FLT1: variants seen among roughly 807,000 people sequenced by gnomAD.
The protein encoded by FLT1 is fms related receptor tyrosine kinase 1, also known as vascular endothelial growth factor receptor 1.
In FLT1, 49 loss-of-function variants were observed where a neutral mutation model predicts 156.3. The ratio of observed to expected loss-of-function variants is 0.31; its 90% CI spans 0.25 to 0.40. The LOEUF is 0.40. Ranked by LOEUF, FLT1 falls within the 10% of genes least tolerant of loss-of-function variation. FLT1 has a pLI of 1.00. For missense variants in FLT1, 1,322 were observed against 1,637.2 expected, an observed-to-expected ratio of 0.81 and a Z score of 3.32; for synonymous variants, 594 against 583.8, an observed-to-expected ratio of 1.02 and a Z score of -0.25.
chr13:28,317,603 G>A lies in FLT1; in HGVS notation c.3287-6C>T. The A allele has an allele frequency of 1.2e-6, 2 of 1,600,074 alleles. No individual in the cohort carries two copies. Among genetic ancestry groups the A allele is most frequent in the Non-Finnish European group, 8.6e-7 (1 of 1,167,120 alleles). On this transcript the variant is annotated splice_region_variant and splice_polypyrimidine_tract_variant and intron_variant, in intron 24 of 29. Transcript: ENST00000282397. ...TCCTGGGTATGGAGACCCACCTGCGGGAGACAATGTGGAAAACACAGGGCC... is the reference window on the plus strand; with the variant it reads ...TCCTGGGTATGGAGACCCACCTGCGAGAGACAATGTGGAAAACACAGGGCC...
intron 13 of FLT1, chr13:28,386,260 G>T (rs994558956): frequency 2.9e-6 from 3 of 1,050,692 alleles, no homozygotes; most frequent in Non-Finnish European, 3.4e-6. Context: ...AGTCCTGCAG[G>T]GCAACTCTCA....
chr13:28,379,929 C>T (rs1874005177), intron 14 of FLT1, among the ~76,000 whole-genome samples: 1 of 152,120 alleles, frequency 6.6e-6, no homozygotes. Flanking sequence ...TTGTGTGTGC[C>T]TCACTTCCTC....
intron 14 of FLT1, among the ~76,000 whole-genome samples, chr13:28,369,279 C>A (rs533051339): frequency 5.1e-4 from 78 of 152,166 alleles, no homozygotes; most frequent in Non-Finnish European, 6.9e-4. Context: ...AGTTCCAACA[C>A]TTTGGGAGGC....
rs544296341 is a variant in FLT1, at chr13:28,357,399, C to G, written c.2248+155G>C. 3.6e-4 allele frequency among the ~76,000 whole-genome samples: 55 copies of G among 152,320 alleles called. 1 individual carries two copies. In the South Asian group the frequency reaches 0.011, roughly 30 times the overall value. On this transcript the variant is annotated intron_variant, in intron 15 of 29. Transcript: ENST00000282397. The stretch of plus-strand genomic sequence containing the variant: ...TTCTGCTTTGCCAGACAGAACCAGA[C>G]AGTCCCTTCCCGGAGTGGCAGGGAG...
chr13:28,491,220 A>G (rs1179834503), intron 1 of FLT1, among the ~76,000 whole-genome samples: 2 of 152,194 alleles, frequency 1.3e-5, no homozygotes, highest in African/African-American at 2.4e-5. Flanking sequence ...AGACTTAGAA[A>G]TGTCTCGATC....
intron 14 of FLT1, among the ~76,000 whole-genome samples, chr13:28,370,867 C>T (rs1222437915): frequency 1.3e-5 from 2 of 152,150 alleles, no homozygotes; most frequent in Admixed American, 1.3e-4. Context: ...TGGCCAGTCA[C>T]CTACAGGGCT....
Position 28,344,111 on chromosome 13 carries a change from C to A in FLT1, c.2355+1334G>T, listed in dbSNP as rs557852696. Among the ~76,000 whole-genome samples the A allele has an allele frequency of 1.1e-3, 172 of 152,212 alleles. 1 individual carries two copies. Among genetic ancestry groups the A allele is most frequent in the Non-Finnish European group, 2.1e-3 (142 of 68,002 alleles). On this transcript the variant is annotated intron_variant, in intron 16 of 29. Transcript: ENST00000282397. ...CCACTCCCCCCATTCCTGCCTTAGT[C>A]TAACATAGCTTTCTTCCCCAAGGCT...
At position 28,474,507 on chromosome 13, in the gene FLT1, C is replaced by CACACACACACACAGACACACAG. The variant is rs1555245771; in HGVS notation, c.65-6891_65-6890insCTGTGTGTCTGTGTGTGTGTGT. ...ACAGACACACACACACACACACACA[C>CACACACACACACAGACACACAG]ACACACACACACACACAAACCCCAC... On this transcript the variant is annotated intron_variant, in intron 1 of 29. Coordinates refer to ENST00000282397, the MANE Select transcript of FLT1 (RefSeq NM_002019.4). 6.4e-3 allele frequency among the ~76,000 whole-genome samples: 971 copies of CACACACACACACAGACACACAG among 150,682 alleles called. 6 individuals are homozygous for CACACACACACACAGACACACAG. Among genetic ancestry groups the CACACACACACACAGACACACAG allele is most frequent in the African/African-American group, 0.023 (911 of 40,288 alleles).
intron 1 of FLT1, among the ~76,000 whole-genome samples, chr13:28,481,987 G>C (rs902334821): frequency 3.3e-5 from 5 of 152,160 alleles, no homozygotes; most frequent in African/African-American, 9.7e-5. Context: ...ATAATCCCTT[G>C]AGCATCTTTT....
intron 11 of FLT1, among the ~76,000 whole-genome samples, chr13:28,401,224 CTA>C (rs1314330978): frequency 2.0e-5 from 3 of 152,030 alleles, no homozygotes; most frequent in African/African-American, 7.3e-5. Context: ...TAAAATTAGA[CTA>C]TCAAATTTTA....
chr13:28,475,033 G>A (rs959938574), intron 1 of FLT1, among the ~76,000 whole-genome samples: 5 of 152,148 alleles, frequency 3.3e-5, no homozygotes, highest in Admixed American at 6.5e-5. Context: ...ACTTTAGAAG[G>A]CTGATTTTAG....
rs1284356853 is a variant in FLT1, at chr13:28,302,803, C to T, written c.*364G>A. ...TTGCCCTGGGTTTTGGGCTGCAGGG[C>T]TGGCCCAGTGGGGTACGTGATGCAT... On this transcript the variant is annotated 3_prime_UTR_variant, in exon 30 of 30. Coordinates refer to ENST00000282397, the MANE Select transcript of FLT1 (RefSeq NM_002019.4). 2 of 281,876 alleles carry T rather than the reference C, an allele frequency of 7.1e-6. No individual in the cohort carries two copies. Among genetic ancestry groups the T allele is most frequent in the Non-Finnish European group, 6.5e-6 (1 of 152,768 alleles). The allele number at this position is 281,876 out of a possible 1,614,324, so 17.5% of individuals were successfully genotyped here. A position where few individuals can be genotyped will look rare whatever the true frequency, so the allele number is the denominator to read the frequency against.
At position 28,329,661 on chromosome 13, in the gene FLT1, G is replaced by A. The variant is rs1451317878; in HGVS notation, c.2661C>T (p.His887=). ...TELKILTHIG[H]HLNVVNLLGA... is the part of the protein sequence containing the mutation. The stretch of plus-strand genomic sequence containing the variant: ...CCAGCAGGTTAACCACGTTCAGATG[G>A]TGGCCAATGTGGGTCAAGATTTTTA... Residue 887 remains histidine (H), a synonymous_variant, in exon 19 of 30, where the codon CAC becomes CAT. Coordinates refer to ENST00000282397, the MANE Select transcript of FLT1 (RefSeq NM_002019.4). The A allele has an allele frequency of 1.2e-6, 2 of 1,614,120 alleles. No individual in the cohort carries two copies. The highest frequency in any genetic ancestry group is 2.7e-5 in the African/African-American group (2 of 74,952).
In FLT1 at chr13:28,317,386, C is replaced by T; in HGVS notation, c.3386+112G>A. 7 of 786,470 alleles carry T rather than the reference C, an allele frequency of 8.9e-6. No individual in the cohort carries two copies. The Admixed American group carries it at 1.1e-4, about 12-fold the overall frequency. The allele number at this position is 786,470 out of a possible 1,614,324, so 48.7% of individuals were successfully genotyped here. A position where few individuals can be genotyped will look rare whatever the true frequency, so the allele number is the denominator to read the frequency against. On this transcript the variant is annotated intron_variant, in intron 25 of 29. Transcript: ENST00000282397. ...GAGCATCTCTAAAGGAAAGAAGAACCTTGGCATCTTCCAAGACTGGGACTC... is the reference window on the plus strand; with the variant it reads ...GAGCATCTCTAAAGGAAAGAAGAACTTTGGCATCTTCCAAGACTGGGACTC...
chr13:28,387,808 T>TAAAA (rs11400597), intron 13 of FLT1: 85 of 927,728 alleles, frequency 9.2e-5, no homozygotes, highest in East Asian at 1.4e-4. Context: ...AAAGTTTCTT[T>TAAAA]AAAAAAAAAA....
intron 14 of FLT1, among the ~76,000 whole-genome samples, chr13:28,375,828 G>T (rs1243501407): frequency 6.6e-6 from 1 of 152,180 alleles, no homozygotes; most frequent in Non-Finnish European, 1.5e-5. Context: ...TGGATATCTT[G>T]TTCACATTTC....
chr13:28,323,444 G>C (rs569238711), intron 20 of FLT1, among the ~76,000 whole-genome samples: 1 of 152,104 alleles, frequency 6.6e-6, no homozygotes, highest in African/African-American at 2.4e-5. Flanking sequence ...GTGAGGTCGG[G>C]AGTTTGAGAT....
At chr13:28,422,721 C>T (rs988130346) in intron 10 of FLT1, among the ~76,000 whole-genome samples, 1 of 152,168 alleles carries the variant, frequency 6.6e-6, no homozygotes, top group African/African-American at 2.4e-5. Context: ...ATTCAGGCCA[C>T]ACAATTGTCC....
At chr13:28,484,873 T>C (rs1421865005) in intron 1 of FLT1, among the ~76,000 whole-genome samples, 3 of 147,710 alleles carry the variant, frequency 2.0e-5, no homozygotes, top group East Asian at 4.0e-4. Context: ...AGTTTTTGCA[T>C]GGTTAAGAGG....
Sources: allele counts gnomAD v4.1 joint callset (sites outside exome capture counted in the v4.1 genomes callset), GRCh38; gene constraint gnomAD v4.1.1; transcripts MANE v1.5; gene names NCBI Gene and HGNC (gene_info 2026-07-23, HGNC 2026-07-21).